Variants in PIP5K1B observed in about 807,000 individuals in gnomAD.
PIP5K1B encodes phosphatidylinositol 4-phosphate 5-kinase type-1 beta.
In PIP5K1B, 42 loss-of-function variants were observed where a neutral mutation model predicts 67.0. That is an observed-to-expected ratio of 0.63 (90% CI 0.49 to 0.81). The LOEUF (loss-of-function observed/expected upper bound fraction) is 0.81, where lower values mean the gene tolerates loss of function less well. Ranked by LOEUF, PIP5K1B falls within the 30% of genes least tolerant of loss-of-function variation. The pLI is 0.00. For missense variants in PIP5K1B, 459 were observed against 646.3 expected (o/e 0.71, Z 3.14); for synonymous variants, 214 against 231.4 (o/e 0.92, Z 0.68).
intron 14 of PIP5K1B, among the ~76,000 whole-genome samples, chr9:68,966,967 C>T (rs1361327077): frequency 6.6e-6 from 1 of 152,120 alleles, no homozygotes; most frequent in Non-Finnish European, 1.5e-5. Flanking sequence ...CTTTTTGCAG[C>T]TGGGTTTAAC....
chr9:68,841,028 G>A (rs1175389352), intron 4 of PIP5K1B, among the ~76,000 whole-genome samples: 2 of 152,152 alleles, frequency 1.3e-5, no homozygotes, highest in Non-Finnish European at 2.9e-5. Flanking sequence ...ATCCTGAGGT[G>A]TAGACATCAC....
At chr9:68,937,748 A>T (rs1827341554) in intron 13 of PIP5K1B, among the ~76,000 whole-genome samples, 1 of 152,186 alleles carries the variant, frequency 6.6e-6, no homozygotes. Flanking sequence ...ATTTAGTGCT[A>T]TAAATTTCCC....
intron 1 of PIP5K1B, among the ~76,000 whole-genome samples, chr9:68,738,670 G>A (rs761141891): frequency 2.0e-5 from 3 of 152,152 alleles, no homozygotes; most frequent in Non-Finnish European, 2.9e-5. Context: ...GTTCCTTGGC[G>A]AGTTTGGCCA....
rs188244876 is a variant in PIP5K1B at position 68,749,467 on chromosome 9, C to T, written c.-86+6810C>T. Among the ~76,000 whole-genome samples the T allele has an allele frequency of 1.2e-4, 18 of 152,290 alleles. No homozygotes were observed. The South Asian group carries it at 1.2e-3, about 11-fold the overall frequency. Reference sequence around the variant, plus strand: ...CCAGTGACATTGGTTTTGGACTTCTCGCCTCCAGAACTGGGAGAGAATAAA... The same window carrying T: ...CCAGTGACATTGGTTTTGGACTTCTTGCCTCCAGAACTGGGAGAGAATAAA... On this transcript the variant is annotated intron_variant, in intron 2 of 15. Coordinates refer to ENST00000265382, the MANE Select transcript of PIP5K1B (RefSeq NM_003558.4).
intron 4 of PIP5K1B, among the ~76,000 whole-genome samples, chr9:68,838,200 C>T (rs551874931): frequency 1.1e-4 from 16 of 150,584 alleles, no homozygotes; most frequent in East Asian, 1.9e-4. Flanking sequence ...CTATTCTACT[C>T]GGTTCATGAC....
chr9:68,869,718 C>T (rs1823539454), intron 5 of PIP5K1B, among the ~76,000 whole-genome samples: 1 of 152,082 alleles, frequency 6.6e-6, no homozygotes, highest in Admixed American at 6.6e-5. Context: ...TGGCTCACGC[C>T]CGTAATCCCA....
At chr9:68,733,558 G>C (rs1326456313) in intron 1 of PIP5K1B, among the ~76,000 whole-genome samples, 1 of 148,106 alleles carries the variant, frequency 6.8e-6, no homozygotes, top group East Asian at 2.1e-4. Context: ...TTCTCAGTCA[G>C]TTTGAGGTCA....
At chr9:68,914,184 A>T (rs78964495) in intron 8 of PIP5K1B, among the ~76,000 whole-genome samples, 7,177 of 151,982 alleles carry the variant, frequency 0.047, 299 homozygotes, top group East Asian at 0.23. Flanking sequence ...GCATTTTTTT[A>T]AAAAAAACAA....
intron 14 of PIP5K1B, among the ~76,000 whole-genome samples, chr9:68,972,101 A>G (rs1395962331): frequency 6.6e-6 from 1 of 152,148 alleles, no homozygotes; most frequent in African/African-American, 2.4e-5. Flanking sequence ...GTTTTCTTCT[A>G]GGGTTTTTAT....
At chr9:68,795,176 T>C (rs890838489) in intron 2 of PIP5K1B, among the ~76,000 whole-genome samples, 1 of 152,138 alleles carries the variant, frequency 6.6e-6, no homozygotes, top group Non-Finnish European at 1.5e-5. Context: ...AGCGTGTGTG[T>C]GTGTGTGTTT....
intron 1 of PIP5K1B, among the ~76,000 whole-genome samples, chr9:68,732,076 C>T (rs929742960): frequency 7.9e-5 from 12 of 152,126 alleles, no homozygotes; most frequent in African/African-American, 2.9e-4. Context: ...GAACTAGTCA[C>T]GAGCTAGATT....
At chr9:68,810,583 T>A (rs567805104) in intron 2 of PIP5K1B, among the ~76,000 whole-genome samples, 1 of 152,194 alleles carries the variant, frequency 6.6e-6, no homozygotes, top group Admixed American at 6.5e-5. Context: ...CTCCCACTTA[T>A]TTGGCCATGT....
chr9:68,987,329 C>T (rs1305426933), intron 14 of PIP5K1B, among the ~76,000 whole-genome samples: 5 of 151,486 alleles, frequency 3.3e-5, no homozygotes, highest in African/African-American at 1.2e-4. Flanking sequence ...TTTGGGAGGC[C>T]GAGGTGAGCA....
intron 12 of PIP5K1B, among the ~76,000 whole-genome samples, chr9:68,927,084 CTG>C (rs1826744908): frequency 6.6e-6 from 1 of 152,188 alleles, no homozygotes; most frequent in Non-Finnish European, 1.5e-5. Flanking sequence ...TGAGGTTTAT[CTG>C]TAGCCTCGTA....
intron 2 of PIP5K1B, among the ~76,000 whole-genome samples, chr9:68,761,753 C>A (rs996644248): frequency 6.6e-6 from 1 of 152,036 alleles, no homozygotes; most frequent in Non-Finnish European, 1.5e-5. Context: ...TTAAAAGAAC[C>A]CTTGTGACTA....
intron 12 of PIP5K1B, among the ~76,000 whole-genome samples, chr9:68,934,183 A>T (rs1385129495): frequency 6.6e-6 from 1 of 152,242 alleles, no homozygotes; most frequent in African/African-American, 2.4e-5. Flanking sequence ...CGTGTCCTCC[A>T]TGAAGTCCCA....
intron 4 of PIP5K1B, among the ~76,000 whole-genome samples, chr9:68,858,950 G>A (rs577636718): frequency 3.3e-5 from 5 of 152,194 alleles, no homozygotes; most frequent in Non-Finnish European, 7.3e-5. Context: ...TGGTCTTATT[G>A]TAACTTTCAT....
intron 2 of PIP5K1B, among the ~76,000 whole-genome samples, chr9:68,814,664 T>A (rs1833343623): frequency 6.6e-6 from 1 of 151,812 alleles, no homozygotes; most frequent in African/African-American, 2.4e-5. Flanking sequence ...CAAAAAAATT[T>A]AAAAAATTAG....
chr9:68,927,286 C>G (rs574743207), intron 12 of PIP5K1B, among the ~76,000 whole-genome samples: 1 of 152,236 alleles, frequency 6.6e-6, no homozygotes, highest in African/African-American at 2.4e-5. Flanking sequence ...GAATATGTAC[C>G]TAGAAGTGGA....
Sources: gnomAD v4.1 joint callset for allele counts (sites outside exome capture counted in the v4.1 genomes callset) on GRCh38, gnomAD v4.1.1 for gene constraint, MANE v1.5 for transcripts, NCBI Gene and HGNC (gene_info 2026-07-23, HGNC 2026-07-21) for gene names.